FAM227B: variants seen among roughly 807,000 people sequenced by gnomAD.
FAM227B encodes the protein family with sequence similarity 227 member B, also known as protein FAM227B.
Under a neutral mutation model 73.8 loss-of-function variants are expected in FAM227B, and 88 were observed. The observed-to-expected ratio is 1.19, with a 90% CI of 1.00 to 1.42. FAM227B has a LOEUF of 1.42. Among genes scored for constraint, FAM227B ranks in the 40% most tolerant of loss-of-function variants. FAM227B has a pLI of 0.00. For synonymous variants in FAM227B, 210 were observed against 190.5 expected (o/e 1.10, Z -0.84); for missense variants, 632 against 590.9 (o/e 1.07, Z -0.72).
At chr15:49,386,445 T>C (rs1210481560) in intron 11 of FAM227B, among the ~76,000 whole-genome samples, 1 of 151,754 alleles carries the variant, frequency 6.6e-6, no homozygotes, top group African/African-American at 2.4e-5. Flanking sequence ...TAAAAATTAT[T>C]TGAATTGAAT....
At chr15:49,505,364 A>T (rs1489984188) in intron 11 of FAM227B, among the ~76,000 whole-genome samples, 1 of 152,142 alleles carries the variant, frequency 6.6e-6, no homozygotes, top group Non-Finnish European at 1.5e-5. Context: ...AAACTCATCA[A>T]ATTTTACACT....
chr15:49,475,144 G>C (rs34051297), intron 11 of FAM227B, among the ~76,000 whole-genome samples: 1 of 152,082 alleles, frequency 6.6e-6, no homozygotes, highest in African/African-American at 2.4e-5. Flanking sequence ...CTGCACTCCG[G>C]TAGTGTATGA....
At chr15:49,418,812 G>T (rs2049395741) in intron 11 of FAM227B, among the ~76,000 whole-genome samples, 1 of 151,734 alleles carries the variant, frequency 6.6e-6, no homozygotes, top group African/African-American at 2.4e-5. Flanking sequence ...AATATGTGTT[G>T]GACCACAATT....
chr15:49,583,654 C>A (rs952755691), intron 5 of FAM227B, among the ~76,000 whole-genome samples: 579 of 102,836 alleles, frequency 5.6e-3, no homozygotes, highest in Admixed American at 5.9e-3. Context: ...TTTCACTTGG[C>A]AAAAAAAAAA....
chr15:49,381,532 T>C (rs915350016), intron 11 of FAM227B, among the ~76,000 whole-genome samples: 8 of 152,218 alleles, frequency 5.3e-5, no homozygotes, highest in African/African-American at 1.9e-4. Flanking sequence ...ATGTAAAAAT[T>C]ATTTTTTGTT....
chr15:49,443,547 C>A (rs1296868625), intron 11 of FAM227B, among the ~76,000 whole-genome samples: 1 of 151,634 alleles, frequency 6.6e-6, no homozygotes, highest in African/African-American at 2.4e-5. Flanking sequence ...GGTTTAGTGT[C>A]TATAACTGTT....
At position 49,371,371 on chromosome 15, in the gene FAM227B, C is replaced by T. The variant is rs2151476854; in HGVS notation, c.1041G>A (p.Leu347=). 1.9e-6 allele frequency: 3 copies of T among 1,584,646 alleles called. No individual in the cohort carries two copies. The highest frequency in any genetic ancestry group is 2.6e-6 in the Non-Finnish European group (3 of 1,162,418). The change falls in exon 12 of 16, where the codon CTG becomes CTA. Residue 347 remains leucine, a synonymous_variant. Coordinates refer to ENST00000299338, the MANE Select transcript of FAM227B (RefSeq NM_152647.3). ...TSIDFNIIKI[L]NNPRAYTLPI... ...GCAACGTATATGCTCTTGGGTTGTT[C>T]AGAATCTTTATAATATTGAAGTCGA...
chr15:49,497,604 C>T (rs1025820146), intron 11 of FAM227B, among the ~76,000 whole-genome samples: 1 of 152,166 alleles, frequency 6.6e-6, no homozygotes. Context: ...ATATGAGATG[C>T]TCAAAGTTCA....
intron 11 of FAM227B, chr15:49,424,648 T>C (rs16962440): frequency 0.57 from 709,698 of 1,250,728 alleles, 203,587 homozygotes; most frequent in Admixed American, 0.67. Context: ...TTTCAGGTGA[T>C]ATGTTTTCTC....
chr15:49,461,610 C>T (rs2053806959), intron 11 of FAM227B, among the ~76,000 whole-genome samples: 1 of 152,208 alleles, frequency 6.6e-6, no homozygotes, highest in Non-Finnish European at 1.5e-5. Flanking sequence ...CCTGCAAATA[C>T]TGGCTAGAAT....
chr15:49,553,445 G>T (rs1005666306), intron 9 of FAM227B, among the ~76,000 whole-genome samples: 3 of 152,196 alleles, frequency 2.0e-5, no homozygotes, highest in African/African-American at 7.2e-5. Flanking sequence ...GTATATGTTT[G>T]CTCAAGGCCC....
chr15:49,457,529 A>G (rs11639071), intron 11 of FAM227B, among the ~76,000 whole-genome samples: 57,291 of 151,474 alleles, frequency 0.38, 11,007 homozygotes, highest in Non-Finnish European at 0.42. Flanking sequence ...AACATTTTAT[A>G]AGTAACTACA....
At chr15:49,618,608 T>G (rs1160223803) in intron 1 of FAM227B, among the ~76,000 whole-genome samples, 1 of 152,170 alleles carries the variant, frequency 6.6e-6, no homozygotes, top group African/African-American at 2.4e-5. Flanking sequence ...GATATCACTA[T>G]TGACAGGTGA....
chr15:49,589,490 A>C (rs1252339774), intron 4 of FAM227B, among the ~76,000 whole-genome samples: 1 of 151,822 alleles, frequency 6.6e-6, no homozygotes, highest in African/African-American at 2.4e-5. Context: ...AAGAGGTTTT[A>C]AAATAAAATA....
rs1314491852 is a variant in FAM227B, at chr15:49,331,708, T to C, written c.1419+72A>G. Reference sequence around the variant, plus strand: ...TGGGTGTGCCACCATACATTGCTTATGAAATATTGTCCAGTCTATATAAAA... The same window carrying C: ...TGGGTGTGCCACCATACATTGCTTACGAAATATTGTCCAGTCTATATAAAA... On this transcript the variant is annotated intron_variant, in intron 15 of 15. Transcript: ENST00000299338. The C allele has an allele frequency of 2.2e-5, 21 of 949,140 alleles. No homozygotes were observed. In the East Asian group the frequency reaches 4.3e-4, roughly 20 times the overall value. The allele number at this position is 949,140 out of a possible 1,614,324, so 58.8% of individuals were successfully genotyped here.
intron 11 of FAM227B, among the ~76,000 whole-genome samples, chr15:49,506,768 A>G (rs947962173): frequency 4.6e-5 from 7 of 152,086 alleles, no homozygotes; most frequent in Non-Finnish European, 8.8e-5. Context: ...TAAGTGATAA[A>G]ATACAACATA....
At chr15:49,578,873 T>C (rs1055027737) in intron 5 of FAM227B, among the ~76,000 whole-genome samples, 17 of 152,156 alleles carry the variant, frequency 1.1e-4, no homozygotes, top group Admixed American at 3.3e-4. Flanking sequence ...ACACAACCTT[T>C]GTAATGGGAG....
intron 13 of FAM227B, among the ~76,000 whole-genome samples, chr15:49,343,450 C>G (rs932400002): frequency 6.6e-6 from 1 of 152,066 alleles, no homozygotes; most frequent in Non-Finnish European, 1.5e-5. Flanking sequence ...TGTTGACTTT[C>G]AACACACTCT....
At chr15:49,479,599 GTTTT>G (rs56097665) in intron 11 of FAM227B, among the ~76,000 whole-genome samples, 64 of 63,292 alleles carry the variant, frequency 1.0e-3, no homozygotes, top group African/African-American at 3.4e-3. Flanking sequence ...TAATACCTCT[GTTTT>G]TTTTTTTTTT....
Sources: allele counts gnomAD v4.1 joint callset (sites outside exome capture counted in the v4.1 genomes callset), GRCh38; gene constraint gnomAD v4.1.1; transcripts MANE v1.5; gene names NCBI Gene and HGNC (gene_info 2026-07-23, HGNC 2026-07-21).